Variants in LCTL observed in about 807,000 individuals in gnomAD.
LCTL encodes lactase like.
LCTL carries 76 observed loss-of-function variants against 75.8 expected under a neutral mutation model. The ratio of observed to expected loss-of-function variants is 1.00; its 90% CI spans 0.83 to 1.21. The LOEUF is 1.21. Ranked by LOEUF, LCTL falls within the 50% of genes most tolerant of loss-of-function variation. The pLI, the probability that LCTL is intolerant of heterozygous loss-of-function variation, is 0.00. For missense variants in LCTL, 670 were observed against 712.4 expected, an observed-to-expected ratio of 0.94 and a Z score of 0.68; for synonymous variants, 271 against 268.8, an observed-to-expected ratio of 1.01 and a Z score of -0.08.
intron 4 of LCTL, 57 bp from the exon 6 acceptor site, chr15:66,561,372 G>A: frequency 3.1e-6 from 5 of 1,604,382 alleles, no homozygotes; most frequent in Non-Finnish European, 4.3e-6. Context: ...GTTTAAATGT[G>A]GAGATAAGCT....
At chr15:66,564,574 A>T in intron 2 of LCTL, 102 bp downstream of exon 3, 1 of 1,339,412 alleles carries the variant, frequency 7.5e-7, no homozygotes, top group East Asian at 2.5e-5. Flanking sequence ...TGACATTGTC[A>T]TCAGAGCTCC....
chr15:66,555,750 A>G (rs979785093), intron 8 of LCTL, among the ~76,000 whole-genome samples: 1 of 152,238 alleles, frequency 6.6e-6, no homozygotes, highest in East Asian at 1.9e-4. Flanking sequence ...AAACCCACAT[A>G]GAATGGGAGG....
rs190569907 is a variant in LCTL, at chr15:66,562,798, G to A, written c.480+718C>T. Among the ~76,000 whole-genome samples, 14 of 152,218 alleles carry A rather than the reference G, an allele frequency of 9.2e-5. No individual in the cohort carries two copies. In the East Asian group the frequency reaches 2.5e-3, roughly 27 times the overall value. ...TGTGTTTCACCAGGTTGGCCAGGCT[G>A]GTCTCGAAGTCCTGACTTCAGGTGA... On this transcript the variant is annotated intron_variant, in intron 4 of 12. Transcript: ENST00000341509.
At chr15:66,558,682 TG>T in intron 6 of LCTL, among the ~76,000 whole-genome samples, 1 of 86,636 alleles carries the variant, frequency 1.2e-5, no homozygotes, top group Middle Eastern at 5.8e-3. Context: ...TGTGTGTGTG[TG>T]TGTGTTTTTT....
chr15:66,549,171 C>G (rs1287618188), intron 12 of LCTL: 1 of 152,172 alleles, frequency 6.6e-6, no homozygotes, highest in African/African-American at 2.4e-5. Flanking sequence ...GCTGGGTACT[C>G]TGGTTACTGA....
exon 13 of LCTL, chr15:66,548,273 A>G: frequency 2.8e-6 from 1 of 351,514 alleles, no homozygotes; most frequent in Non-Finnish European, 5.2e-6. Flanking sequence ...CTTAACATTA[A>G]CTTTAGGAGG....
At chr15:66,552,146 T>C in exon 10 of LCTL, 1 of 1,612,694 alleles carries the variant, frequency 6.2e-7, no homozygotes, top group Non-Finnish European at 8.5e-7. Flanking sequence ...CCATCACATA[T>C]ATGGGAGGAT....
chr15:66,558,646 C>T (rs183514356), intron 6 of LCTL, among the ~76,000 whole-genome samples: 7 of 149,584 alleles, frequency 4.7e-5, no homozygotes, highest in East Asian at 2.0e-4. Context: ...AAACTCAAAG[C>T]GGGGCCCAAG....
chr15:66,564,044 T>C (rs1221234249), intron 2 of LCTL, 46 bp from the exon 4 acceptor site: 1 of 1,306,926 alleles, frequency 7.7e-7, no homozygotes, highest in African/African-American at 1.5e-5. Context: ...GCCCTGGGTA[T>C]GGGAGGTAGG....
chr15:66,562,129 G>A (rs951316677), intron 4 of LCTL, among the ~76,000 whole-genome samples: 26 of 152,270 alleles, frequency 1.7e-4, no homozygotes, highest in South Asian at 2.1e-4. Context: ...GAGGCCAGGC[G>A]CAGTGGCTCA....
exon 11 of LCTL, chr15:66,551,804 A>G (rs1366672598): frequency 1.9e-6 from 3 of 1,613,818 alleles, no homozygotes; most frequent in South Asian, 1.1e-5. Flanking sequence ...CTCCCATTCA[A>G]ACTTATCCAA....
At chr15:66,552,881 T>G (rs1363875207) in intron 9 of LCTL, 103 bp downstream of exon 10, 2 of 1,050,722 alleles carry the variant, frequency 1.9e-6, no homozygotes, top group Non-Finnish European at 2.6e-6. Flanking sequence ...GTAACTAGGT[T>G]TATTTTGTTT....
intron 8 of LCTL, among the ~76,000 whole-genome samples, chr15:66,554,843 A>G (rs1483404916): frequency 1.3e-5 from 2 of 152,200 alleles, no homozygotes; most frequent in East Asian, 1.9e-4. Flanking sequence ...TGTTGCGTGT[A>G]ATCATAAGCA....
chr15:66,559,436 G>A (rs912473402), intron 6 of LCTL, among the ~76,000 whole-genome samples: 1 of 152,136 alleles, frequency 6.6e-6, no homozygotes, highest in African/African-American at 2.4e-5. Context: ...GGCCGGGTGC[G>A]GTGGCTCACA....
rs1895956548 is a variant in LCTL, at chr15:66,563,910, C to T, written c.370+1G>A. ...GTTCAAGAGGGGCTTCCCTAGCTCA[C>T]CTCGGATGCCTGTGGGCAGGAGCCG... On this transcript the variant is annotated splice_donor_variant, in intron 3 of 12. Coordinates refer to ENST00000341509, the Ensembl canonical transcript of LCTL. LOFTEE classifies it high-confidence loss of function. The T allele has an allele frequency of 1.2e-6, 2 of 1,613,602 alleles. No homozygotes were observed. The highest frequency in any genetic ancestry group is 1.7e-6 in the Non-Finnish European group (2 of 1,179,482).
chr15:66,552,238 C>T, intron 9 of LCTL, 69 bp from the exon 11 acceptor site: 1 of 1,326,602 alleles, frequency 7.5e-7, no homozygotes, highest in Non-Finnish European at 1.0e-6. Flanking sequence ...GAGTCAGAGG[C>T]TCATATAGGA....
At chr15:66,547,714 T>G (rs1370571122) in exon 13 of LCTL, 3 of 152,190 alleles carry the variant, frequency 2.0e-5, no homozygotes, top group Non-Finnish European at 4.4e-5. Flanking sequence ...CTCATTTACT[T>G]GGTACCCACT....
Position 66,555,711 on chromosome 15 carries a change from G to T in LCTL, c.922+2011C>A, listed in dbSNP as rs183205963. ...GACTTCATGAAATTTTTAAAAATTT[G>T]GGAATCAAGACACTAGCAACAGAAT... On this transcript the variant is annotated intron_variant, in intron 8 of 12. Coordinates refer to ENST00000341509, the Ensembl canonical transcript of LCTL. Among the ~76,000 whole-genome samples the T allele has an allele frequency of 3.0e-3, 450 of 152,194 alleles. 1 individual carries two copies. The highest frequency in any genetic ancestry group is 0.01 in the African/African-American group (419 of 41,512).
Position 66,553,111 on chromosome 15 carries a change from C to T in LCTL, c.1070G>A (p.Arg357His), listed in dbSNP as rs138057661. 270 of 1,611,044 alleles carry T rather than the reference C, an allele frequency of 1.7e-4. No homozygotes were observed. The African/African-American group carries it at 2.7e-3, about 16-fold the overall frequency. Residue 357 changes from arginine (R) to histidine (H), a missense_variant, in exon 9 of 13, where the codon CGC becomes CAC. Physicochemically the swap from Arg to His is conservative, Grantham distance 29 (BLOSUM62 0). Transcript: ENST00000341509. ...ATCGTTCTGGTAGCTGGGCCCCTGG[C>T]GGGAGGGGTAGTTCCTTTCCGTGAT...
Sources: allele counts gnomAD v4.1 joint callset (sites outside exome capture counted in the v4.1 genomes callset), GRCh38; gene constraint gnomAD v4.1.1; transcripts MANE v1.5; gene names NCBI Gene and HGNC (gene_info 2026-07-23, HGNC 2026-07-21).